The following NR6A1 variants were observed in gnomAD, a reference collection of about 807,000 sequenced individuals.
The protein encoded by NR6A1 is retinoic acid receptor-related testis-associated receptor.
In NR6A1, 7 loss-of-function variants were observed where a neutral mutation model predicts 59.1. The ratio of observed to expected loss-of-function variants is 0.12; its 90% CI spans 0.07 to 0.22. The LOEUF is 0.22. Ranked by LOEUF, NR6A1 falls within the 10% of genes least tolerant of loss-of-function variation. NR6A1 has a pLI of 1.00. For missense variants in NR6A1, 468 were observed against 611.6 expected, an observed-to-expected ratio of 0.77 and a Z score of 2.48; for synonymous variants, 243 against 236.1, an observed-to-expected ratio of 1.03 and a Z score of -0.27.
chr9:124,586,747 C>T (rs1211763649), intron 2 of NR6A1, among the ~76,000 whole-genome samples: 1 of 152,122 alleles, frequency 6.6e-6, no homozygotes, highest in Non-Finnish European at 1.5e-5. Context: ...CCACACCCAG[C>T]CCATGATAAA....
At chr9:124,765,671 C>T (rs534733465) in intron 1 of NR6A1, among the ~76,000 whole-genome samples, 5 of 152,152 alleles carry the variant, frequency 3.3e-5, no homozygotes, top group East Asian at 1.9e-4. Flanking sequence ...AATCCTGGTC[C>T]GCTCCCAAAC....
intron 2 of NR6A1, among the ~76,000 whole-genome samples, chr9:124,632,738 A>C (rs1488079002): frequency 3.3e-5 from 5 of 152,184 alleles, no homozygotes; most frequent in Non-Finnish European, 7.4e-5. Context: ...ATTTATAAAA[A>C]TGTTTTGCTT....
chr9:124,535,748 G>A (rs1833242061), intron 7 of NR6A1, 130 bp downstream of exon 7: 3 of 1,157,542 alleles, frequency 2.6e-6, no homozygotes, highest in Middle Eastern at 2.8e-4. Flanking sequence ...CTAGTCAGTG[G>A]CAGAGTGAGG....
intron 2 of NR6A1, among the ~76,000 whole-genome samples, chr9:124,664,282 C>T (rs1414350049): frequency 1.3e-5 from 2 of 152,140 alleles, no homozygotes; most frequent in Non-Finnish European, 2.9e-5. Context: ...AAGCAAACAG[C>T]GGAAGTGTAA....
In NR6A1 at chr9:124,592,970, A is replaced by G. The variant is rs534233263; in HGVS notation, c.143-38400T>C. Among the ~76,000 whole-genome samples the G allele has an allele frequency of 1.8e-4, 27 of 152,356 alleles. 1 individual carries two copies. In the East Asian group the frequency reaches 4.0e-3, roughly 23 times the overall value. Reference sequence around the variant, plus strand: ...TGGAAAAGGATACAGTAAAACAGGAATGTTACAGGGTTTGGGAAAGGGGAA... The same window carrying G: ...TGGAAAAGGATACAGTAAAACAGGAGTGTTACAGGGTTTGGGAAAGGGGAA... On this transcript the variant is annotated intron_variant, in intron 2 of 9. Coordinates refer to ENST00000487099, the MANE Select transcript of NR6A1 (RefSeq NM_033334.4).
At chr9:124,640,126 AC>A (rs2130899189) in intron 2 of NR6A1, among the ~76,000 whole-genome samples, 1 of 152,342 alleles carries the variant, frequency 6.6e-6, no homozygotes, top group East Asian at 1.9e-4. Context: ...TGCAGAACAC[AC>A]TTTGAAAACA....
chr9:124,609,423 G>A (rs775210404), intron 2 of NR6A1, among the ~76,000 whole-genome samples: 8 of 152,100 alleles, frequency 5.3e-5, no homozygotes, highest in Non-Finnish European at 1.0e-4. Flanking sequence ...GGTTGTAGAT[G>A]TGCAGCCTTA....
intron 1 of NR6A1, among the ~76,000 whole-genome samples, chr9:124,754,243 T>C (rs993872118): frequency 1.3e-5 from 2 of 152,178 alleles, no homozygotes; most frequent in Non-Finnish European, 2.9e-5. Context: ...GGCACTTTAT[T>C]TTACATATAT....
chr9:124,611,749 T>TAGAGAGAGAGAG (rs34197337), intron 2 of NR6A1, among the ~76,000 whole-genome samples: 19 of 91,474 alleles, frequency 2.1e-4, no homozygotes, highest in South Asian at 4.1e-4. Flanking sequence ...GACCCTGTCT[T>TAGAGAGAGAGAG]AGAGAGAGAG....
intron 2 of NR6A1, among the ~76,000 whole-genome samples, chr9:124,678,166 T>C (rs574276301): frequency 6.6e-6 from 1 of 152,336 alleles, no homozygotes; most frequent in South Asian, 2.1e-4. Context: ...AATTGCATTT[T>C]CCTTAAAGTT....
At chr9:124,549,195 A>C (rs1833694702) in intron 3 of NR6A1, among the ~76,000 whole-genome samples, 1 of 151,414 alleles carries the variant, frequency 6.6e-6, no homozygotes, top group African/African-American at 2.5e-5. Flanking sequence ...TTACAAATAA[A>C]CGCTGAACCT....
rs1433131615 is a variant in NR6A1 at position 124,579,044 on chromosome 9, G to A, written c.143-24474C>T. ...CACCTGTAATCCCGGCACTTTGGGA[G>A]TCTGAGACAGGTGGATTGCTTGAGC... On this transcript the variant is annotated intron_variant, in intron 2 of 9. Transcript: ENST00000487099. Among the ~76,000 whole-genome samples, 8 of 152,332 alleles carry A rather than the reference G, an allele frequency of 5.3e-5. No homozygotes were observed. In the East Asian group the frequency reaches 9.6e-4, roughly 18 times the overall value.
chr9:124,682,422 T>G (rs563302852), intron 2 of NR6A1, among the ~76,000 whole-genome samples: 3 of 152,344 alleles, frequency 2.0e-5, no homozygotes, highest in African/African-American at 7.2e-5. Flanking sequence ...AAAACCAGAT[T>G]TTCTTCATAT....
chr9:124,722,795 G>A (rs959614465), intron 2 of NR6A1, among the ~76,000 whole-genome samples: 1 of 152,122 alleles, frequency 6.6e-6, no homozygotes, highest in African/African-American at 2.4e-5. Context: ...TCTTGGTTCA[G>A]TGCAGCCTCA....
At chr9:124,611,937 A>T (rs1309037437) in intron 2 of NR6A1, among the ~76,000 whole-genome samples, 1 of 152,118 alleles carries the variant, frequency 6.6e-6, no homozygotes, top group Admixed American at 6.5e-5. Context: ...AGGGATAATG[A>T]TATCTATCTT....
intron 2 of NR6A1, among the ~76,000 whole-genome samples, chr9:124,591,690 T>TGTGA (rs1308615745): frequency 1.3e-5 from 2 of 152,174 alleles, no homozygotes; most frequent in Non-Finnish European, 2.9e-5. Flanking sequence ...TGGATCACAG[T>TGTGA]GTGAGCATCA....
At chr9:124,736,333 G>A (rs1840019350) in intron 1 of NR6A1, among the ~76,000 whole-genome samples, 1 of 152,174 alleles carries the variant, frequency 6.6e-6, no homozygotes, top group African/African-American at 2.4e-5. Context: ...AACAAAAATA[G>A]AGGGTGACTC....
chr9:124,633,151 T>A (rs1262016576), intron 2 of NR6A1, among the ~76,000 whole-genome samples: 1 of 152,088 alleles, frequency 6.6e-6, no homozygotes, highest in Non-Finnish European at 1.5e-5. Flanking sequence ...ACACTTGTAA[T>A]CCCAGCTCTT....
chr9:124,697,912 A>G (rs1455464373), intron 2 of NR6A1, among the ~76,000 whole-genome samples: 1 of 152,236 alleles, frequency 6.6e-6, no homozygotes, highest in Non-Finnish European at 1.5e-5. Context: ...GGCTGCTTGA[A>G]GATTAAGAAT....
Sources: gnomAD v4.1 joint callset for allele counts (sites outside exome capture counted in the v4.1 genomes callset) on GRCh38, gnomAD v4.1.1 for gene constraint, MANE v1.5 for transcripts, NCBI Gene and HGNC (gene_info 2026-07-23, HGNC 2026-07-21) for gene names.